The following BANK1 variants were observed in gnomAD, a reference collection of about 807,000 sequenced individuals.
BANK1 encodes B-cell scaffold protein with ankyrin repeats.
In BANK1, 95 loss-of-function variants were observed where a neutral mutation model predicts 94.5. The ratio of observed to expected loss-of-function variants is 1.00; its 90% CI spans 0.85 to 1.19. The LOEUF is 1.19. Among genes scored for constraint, BANK1 ranks in the 50% most tolerant of loss-of-function variants. The probability of loss-of-function intolerance (pLI) is 0.00; values close to 1 mark genes in which losing one functional copy is unlikely to be tolerated. For missense variants in BANK1, 987 were observed against 932.2 expected, an observed-to-expected ratio of 1.06 and a Z score of -0.77; for synonymous variants, 334 against 308.4, an observed-to-expected ratio of 1.08 and a Z score of -0.87.
intron 6 of BANK1, among the ~76,000 whole-genome samples, chr4:101,908,109 A>G (rs931923984): frequency 1.3e-4 from 20 of 152,190 alleles, no homozygotes; most frequent in Non-Finnish European, 2.4e-4. Context: ...TCAATCCTAA[A>G]CCAAATGAAC....
intron 3 of BANK1, among the ~76,000 whole-genome samples, chr4:101,857,461 C>G (rs957675920): frequency 6.6e-6 from 1 of 152,106 alleles, no homozygotes; most frequent in Non-Finnish European, 1.5e-5. Flanking sequence ...GGTCTATGGA[C>G]CTGCCTCCTA....
intron 1 of BANK1, among the ~76,000 whole-genome samples, chr4:101,792,280 C>T: frequency 7.7e-6 from 1 of 129,046 alleles, no homozygotes; most frequent in East Asian, 2.6e-4. Flanking sequence ...CCCCTCCCAA[C>T]TCCTTGGGTC....
At chr4:101,833,241 A>G (rs1446111358) in intron 2 of BANK1, among the ~76,000 whole-genome samples, 5 of 152,142 alleles carry the variant, frequency 3.3e-5, no homozygotes, top group Non-Finnish European at 7.4e-5. Context: ...AACCGCCCAA[A>G]GTGCGGGGAC....
chr4:101,973,682 G>GA (rs1160603856), intron 7 of BANK1, among the ~76,000 whole-genome samples: 1 of 151,950 alleles, frequency 6.6e-6, no homozygotes, highest in Non-Finnish European at 1.5e-5. Context: ...TTCACATTAT[G>GA]AAAAAATCCC....
intron 5 of BANK1, among the ~76,000 whole-genome samples, chr4:101,892,824 A>G (rs942330873): frequency 9.2e-5 from 14 of 152,018 alleles, no homozygotes; most frequent in South Asian, 4.1e-4. Context: ...TTCAATGCCA[A>G]TGTTTAGAAA....
At chr4:102,019,856 A>G (rs1445948588) in intron 7 of BANK1, among the ~76,000 whole-genome samples, 2 of 152,198 alleles carry the variant, frequency 1.3e-5, no homozygotes, top group Non-Finnish European at 2.9e-5. Context: ...TATATAAAAT[A>G]TCAATTGTAC....
chr4:102,006,095 T>A (rs567998706), intron 7 of BANK1, among the ~76,000 whole-genome samples: 3 of 151,998 alleles, frequency 2.0e-5, no homozygotes, highest in African/African-American at 7.2e-5. Context: ...TTTTCCCCCA[T>A]TGTATAATAC....
intron 13 of BANK1, among the ~76,000 whole-genome samples, chr4:102,063,760 A>C (rs1728500513): frequency 6.6e-6 from 1 of 151,310 alleles, no homozygotes; most frequent in East Asian, 1.9e-4. Flanking sequence ...CAGAGATTGC[A>C]GTGAGCCAAG....
intron 7 of BANK1, among the ~76,000 whole-genome samples, chr4:101,994,176 G>T (rs1355435359): frequency 6.6e-6 from 1 of 152,256 alleles, no homozygotes; most frequent in Non-Finnish European, 1.5e-5. Flanking sequence ...TTTTTTCAGA[G>T]ACTTTAACAA....
chr4:102,061,127 T>G (rs574566254), intron 12 of BANK1, among the ~76,000 whole-genome samples: 15 of 152,292 alleles, frequency 9.8e-5, no homozygotes, highest in Non-Finnish European at 1.8e-4. Flanking sequence ...TTAAACACAT[T>G]TAATAAGCAA....
chr4:102,030,685 C>A (rs1343202895), intron 10 of BANK1, among the ~76,000 whole-genome samples: 1 of 150,730 alleles, frequency 6.6e-6, no homozygotes, highest in East Asian at 2.0e-4. Context: ...TGAGAACATG[C>A]AGTGTTTGGT....
intron 7 of BANK1, among the ~76,000 whole-genome samples, chr4:101,934,700 T>C (rs1043675066): frequency 6.6e-5 from 10 of 151,500 alleles, no homozygotes; most frequent in African/African-American, 2.4e-4. Context: ...ACCTGTAAAC[T>C]ATCAGAACAA....
chr4:102,027,221 A>G lies in BANK1; in HGVS notation c.1594+1712A>G, dbSNP rs555175075. Among the ~76,000 whole-genome samples, 37 of 151,862 alleles carry G rather than the reference A, an allele frequency of 2.4e-4. No individual in the cohort carries two copies. In the South Asian group the frequency reaches 7.6e-3, roughly 31 times the overall value. Reference sequence around the variant, plus strand: ...AGGTAAAATTGTCTTGTGTCAGATTATTTCTCTTAAAAGTGCTAATATTAA... The same window carrying G: ...AGGTAAAATTGTCTTGTGTCAGATTGTTTCTCTTAAAAGTGCTAATATTAA... On this transcript the variant is annotated intron_variant, in intron 9 of 16. Transcript: ENST00000322953.
intron 13 of BANK1, among the ~76,000 whole-genome samples, chr4:102,063,846 G>T (rs1728505898): frequency 1.3e-5 from 2 of 150,290 alleles, no homozygotes; most frequent in African/African-American, 4.9e-5. Context: ...GAAATGAAAT[G>T]ATTAAAGAGA....
chr4:102,072,319 G>A (rs200158037), intron 14 of BANK1, 26 bp from the exon 15 acceptor site: 1 of 1,495,208 alleles, frequency 6.7e-7, no homozygotes. Flanking sequence ...TGAATAAAGA[G>A]GTAATAACTG....
At chr4:101,817,945 C>T (rs1274966380) in intron 1 of BANK1, among the ~76,000 whole-genome samples, 1 of 151,686 alleles carries the variant, frequency 6.6e-6, no homozygotes, top group Non-Finnish European at 1.5e-5. Context: ...GATTGGATAC[C>T]CCTGCTATAC....
At chr4:101,916,967 TAAACA>T (rs1722848985) in intron 6 of BANK1, among the ~76,000 whole-genome samples, 2 of 152,030 alleles carry the variant, frequency 1.3e-5, no homozygotes, top group Non-Finnish European at 1.5e-5. Flanking sequence ...TTGTATCTCC[TAAACA>T]AATCTATTAT....
rs899856463 is a variant in BANK1, at chr4:101,833,092, G to A, written c.469+2886G>A. 4.6e-5 allele frequency among the ~76,000 whole-genome samples: 7 copies of A among 151,888 alleles called. 1 individual carries two copies. The South Asian group carries it at 6.2e-4, about 14-fold the overall frequency. ...CCTCCCAGGTTCAAGCAATTCTCCT[G>A]CCTCAGCCTCCTGAGTAGCTGGGAT... On this transcript the variant is annotated intron_variant, in intron 2 of 16. Coordinates refer to ENST00000322953, the MANE Select transcript of BANK1 (RefSeq NM_017935.5).
chr4:101,959,143 TG>T (rs1361605508), intron 7 of BANK1, among the ~76,000 whole-genome samples: 2 of 115,356 alleles, frequency 1.7e-5, no homozygotes, highest in Non-Finnish European at 3.7e-5. Context: ...TGTTTGTTTT[TG>T]TTTTTTTTTT....
Sources: gnomAD v4.1 joint callset for allele counts (sites outside exome capture counted in the v4.1 genomes callset) on GRCh38, gnomAD v4.1.1 for gene constraint, MANE v1.5 for transcripts, NCBI Gene and HGNC (gene_info 2026-07-23, HGNC 2026-07-21) for gene names.